Variants in LSAMP observed in about 807,000 individuals in gnomAD.
LSAMP encodes limbic system-associated membrane protein.
In LSAMP, 7 loss-of-function variants were observed where a neutral mutation model predicts 38.6. The observed-to-expected ratio is 0.18, with a 90% CI of 0.10 to 0.34. The LOEUF is 0.34. Ranked by LOEUF, LSAMP falls within the 10% of genes least tolerant of loss-of-function variation. LSAMP has a pLI of 1.00. For missense variants in LSAMP, 313 were observed against 420.0 expected (o/e 0.75, Z 2.23); for synonymous variants, 154 against 166.8 (o/e 0.92, Z 0.59).
intron 1 of LSAMP, among the ~76,000 whole-genome samples, chr3:116,347,088 G>T (rs967172059): frequency 2.0e-5 from 3 of 152,214 alleles, no homozygotes; most frequent in Non-Finnish European, 2.9e-5. Context: ...CCAGAGTGTT[G>T]CTGGAACAAT....
intron 3 of LSAMP, among the ~76,000 whole-genome samples, chr3:115,877,038 A>G (rs1284607467): frequency 3.9e-5 from 6 of 152,176 alleles, no homozygotes; most frequent in South Asian, 4.1e-4. Context: ...ATATTACCGG[A>G]ATAAGTAACA....
intron 3 of LSAMP, among the ~76,000 whole-genome samples, chr3:115,926,981 G>A (rs1450280550): frequency 6.6e-6 from 1 of 152,124 alleles, no homozygotes; most frequent in Non-Finnish European, 1.5e-5. Context: ...TGCATATTCA[G>A]TGTTTAGAAT....
intron 1 of LSAMP, among the ~76,000 whole-genome samples, chr3:116,259,306 G>C (rs569398163): frequency 1.3e-4 from 20 of 152,080 alleles, no homozygotes; most frequent in Non-Finnish European, 2.8e-4. Context: ...TTGGCCCAGA[G>C]ACAGGAGTTA....
At chr3:115,924,095 A>T (rs1423191488) in intron 3 of LSAMP, among the ~76,000 whole-genome samples, 2 of 152,100 alleles carry the variant, frequency 1.3e-5, no homozygotes, top group Non-Finnish European at 1.5e-5. Flanking sequence ...TAGGAACCTG[A>T]TCCTAATTCA....
chr3:116,366,846 G>A (rs1488894356), intron 1 of LSAMP, among the ~76,000 whole-genome samples: 1 of 152,122 alleles, frequency 6.6e-6, no homozygotes, highest in African/African-American at 2.4e-5. Context: ...TATTTTCTCA[G>A]TCTTCCTTAT....
chr3:116,338,772 C>G (rs1182422386), intron 1 of LSAMP, among the ~76,000 whole-genome samples: 6 of 151,986 alleles, frequency 3.9e-5, no homozygotes, highest in Non-Finnish European at 8.8e-5. Flanking sequence ...AGGAAGCTGA[C>G]AAGGCTCTTT....
chr3:116,028,633 A>G (rs1940847746), intron 2 of LSAMP, among the ~76,000 whole-genome samples: 1 of 152,188 alleles, frequency 6.6e-6, no homozygotes, highest in South Asian at 2.1e-4. Context: ...CTATCTACAA[A>G]GCAATAAGAG....
At chr3:116,114,253 A>C (rs1291673976) in intron 1 of LSAMP, among the ~76,000 whole-genome samples, 1 of 152,190 alleles carries the variant, frequency 6.6e-6, no homozygotes, top group East Asian at 1.9e-4. Flanking sequence ...CAAGAGCCTG[A>C]GTAAGAACAT....
intron 1 of LSAMP, among the ~76,000 whole-genome samples, chr3:116,336,780 C>T (rs1053373835): frequency 2.6e-5 from 4 of 151,786 alleles, no homozygotes; most frequent in African/African-American, 9.7e-5. Context: ...AAATGCAATT[C>T]CACTTCTAGG....
At chr3:115,835,048 T>A (rs1258461616) in intron 6 of LSAMP, among the ~76,000 whole-genome samples, 1 of 152,182 alleles carries the variant, frequency 6.6e-6, no homozygotes, top group Non-Finnish European at 1.5e-5. Flanking sequence ...ATAGTTCACA[T>A]CAGCTTTAGC....
chr3:116,325,933 G>A (rs552086750), intron 1 of LSAMP, among the ~76,000 whole-genome samples: 31 of 152,246 alleles, frequency 2.0e-4, no homozygotes, highest in Non-Finnish European at 4.0e-4. Context: ...GAAAGCACAA[G>A]CGTATCCAAA....
chr3:116,388,835 G>A (rs943253654), intron 1 of LSAMP, among the ~76,000 whole-genome samples: 1 of 152,060 alleles, frequency 6.6e-6, no homozygotes, highest in African/African-American at 2.4e-5. Flanking sequence ...CACATTTGAA[G>A]GTAAATCAAG....
chr3:115,881,739 C>A (rs1429923269), intron 3 of LSAMP, among the ~76,000 whole-genome samples: 1 of 152,088 alleles, frequency 6.6e-6, no homozygotes, highest in Non-Finnish European at 1.5e-5. Flanking sequence ...ATCATCCTTC[C>A]CATAAAATGT....
At chr3:116,212,396 G>C (rs1370202814) in intron 1 of LSAMP, among the ~76,000 whole-genome samples, 2 of 152,134 alleles carry the variant, frequency 1.3e-5, no homozygotes, top group African/African-American at 4.8e-5. Context: ...AAGTGGAAAA[G>C]CCAGTTTTAA....
chr3:116,245,016 C>A (rs537533715), intron 1 of LSAMP, among the ~76,000 whole-genome samples: 2 of 152,214 alleles, frequency 1.3e-5, no homozygotes, highest in African/African-American at 4.8e-5. Context: ...TTTCATTCCT[C>A]CAAAATATAT....
At chr3:116,286,061 C>A (rs2047190803) in intron 1 of LSAMP, among the ~76,000 whole-genome samples, 1 of 152,160 alleles carries the variant, frequency 6.6e-6, no homozygotes, top group African/African-American at 2.4e-5. Flanking sequence ...CAGAAAGCTT[C>A]CTGTGGTTCA....
At chr3:116,376,222 A>T (rs2048490923) in intron 1 of LSAMP, among the ~76,000 whole-genome samples, 1 of 152,064 alleles carries the variant, frequency 6.6e-6, no homozygotes, top group Non-Finnish European at 1.5e-5. Flanking sequence ...ATAAGGTGAA[A>T]CAGCTACTGG....
intron 1 of LSAMP, among the ~76,000 whole-genome samples, chr3:116,399,329 G>A (rs1408155059): frequency 5.3e-5 from 8 of 152,154 alleles, no homozygotes; most frequent in Admixed American, 5.2e-4. Flanking sequence ...GCAACACAGA[G>A]CATTGAATAC....
chr3:115,809,129 A>G lies in LSAMP; in HGVS notation c.*1188T>C, dbSNP rs1277016504. On this transcript the variant is annotated 3_prime_UTR_variant, in exon 7 of 7. Transcript: ENST00000490035. Reference sequence around the variant, plus strand: ...GGGCCTACCCTGTTAAATGCCAGGAAATATAAGAATCCCTCAGACTCATGA... The same window carrying G: ...GGGCCTACCCTGTTAAATGCCAGGAGATATAAGAATCCCTCAGACTCATGA... The G allele has an allele frequency of 6.6e-6, 1 of 152,180 alleles. No homozygotes were observed. Among genetic ancestry groups the G allele is most frequent in the Non-Finnish European group, 1.5e-5 (1 of 68,038 alleles). 9.4% of individuals were successfully genotyped at this position (152,180 alleles called of 1,614,324 possible).
Sources: allele counts gnomAD v4.1 joint callset (sites outside exome capture counted in the v4.1 genomes callset), GRCh38; gene constraint gnomAD v4.1.1; transcripts MANE v1.5; gene names NCBI Gene and HGNC (gene_info 2026-07-23, HGNC 2026-07-21).